Variants in NLRP1 observed in about 807,000 individuals in gnomAD.
The protein encoded by NLRP1 is NLR family pyrin domain containing 1, also known as NACHT, LRR and PYD domains-containing protein 1.
Under a neutral mutation model 136.7 loss-of-function variants are expected in NLRP1, and 94 were observed. The observed-to-expected ratio is 0.69, with a 90% CI of 0.58 to 0.82. The LOEUF is 0.82. NLRP1 is among the 40% of genes least tolerant of loss of function. NLRP1 has a pLI of 0.00. For missense variants in NLRP1, 1,575 were observed against 1,802.7 expected, an observed-to-expected ratio of 0.87 and a Z score of 2.29; for synonymous variants, 690 against 725.1, an observed-to-expected ratio of 0.95 and a Z score of 0.78.
At chr17:5,532,762 C>A in intron 11 of NLRP1, 60 bp downstream of exon 11, 1 of 1,465,620 alleles carries the variant, frequency 6.8e-7, no homozygotes, top group Non-Finnish European at 9.1e-7. Flanking sequence ...CTGTGGGGAC[C>A]CAGGATGGGC....
intron 3 of NLRP1, among the ~76,000 whole-genome samples, chr17:5,576,928 T>A (rs1193496437): frequency 6.6e-6 from 1 of 152,180 alleles, no homozygotes; most frequent in Admixed American, 6.5e-5. Flanking sequence ...CAAGTGGGCT[T>A]CATCCCTGGG....
intron 5 of NLRP1, among the ~76,000 whole-genome samples, chr17:5,545,712 T>A (rs1912584435): frequency 1.3e-5 from 2 of 152,196 alleles, no homozygotes; most frequent in Admixed American, 1.3e-4. Context: ...CAGACGCAGC[T>A]GGCAGATGTG....
chr17:5,521,950 G>A lies in NLRP1; in HGVS notation c.3521-164C>T, dbSNP rs188984901. The stretch of plus-strand genomic sequence containing the variant: ...AGCGATTCTCCTGCCTCAGCCTCCC[G>A]AGTAGCTGGGATTACAGGCGCCTGC... On this transcript the variant is annotated intron_variant, in intron 12 of 16. Coordinates refer to ENST00000572272, the MANE Select transcript of NLRP1 (RefSeq NM_033004.4). Among the ~76,000 whole-genome samples the A allele has an allele frequency of 1.9e-3, 282 of 152,244 alleles. 2 individuals are homozygous for A. Among genetic ancestry groups the A allele is most frequent in the Non-Finnish European group, 1.6e-3 (111 of 68,004 alleles).
In NLRP1 at chr17:5,514,937, G is replaced by A. The variant is rs200037697; in HGVS notation, c.4239C>T (p.Tyr1413=). Residue 1413 remains tyrosine, a synonymous_variant, in exon 17 of 17, where the codon TAC becomes TAT. Transcript: ENST00000572272. The part of the protein sequence containing the change: ...LHGQVLSQEQ[Y]ERVLAENTRP... Reference sequence around the variant, plus strand: ...TCGTGTTCTCAGCCAGCACCCTCTCGTACTGCTCCTGGCTCAGCACCTGTC... The same window carrying A: ...TCGTGTTCTCAGCCAGCACCCTCTCATACTGCTCCTGGCTCAGCACCTGTC... The A allele has an allele frequency of 1.9e-5, 30 of 1,614,152 alleles. No homozygotes were observed. The highest frequency in any genetic ancestry group is 3.3e-4 in the Middle Eastern group (2 of 6,062).
chr17:5,559,097 C>A lies in NLRP1; in HGVS notation c.1599G>T (p.Gln533His), dbSNP rs112191372. The A allele has an allele frequency of 5.6e-3, 9,081 of 1,614,194 alleles. 37 individuals are homozygous for A. The highest frequency in any genetic ancestry group is 6.9e-3 in the Middle Eastern group (42 of 6,062). Residue 533 changes from glutamine (Q) to histidine (H), a missense_variant, in exon 4 of 17, where the codon CAG becomes CAT. Transcript: ENST00000572272. ...SWLACTCLMQ[Q>H]MKRKEKLTLT... ...GTGTGAGTTTTTCCTTCCGCTTCAT[C>A]TGCTGCATCAGGCAAGTGCAGGCCA... is the stretch of plus-strand genomic sequence containing the variant.
chr17:5,507,433 G>A (rs1192960650), intron 15 of NLRP1, among the ~76,000 whole-genome samples: 1 of 152,184 alleles, frequency 6.6e-6, no homozygotes, highest in Admixed American at 6.5e-5. Flanking sequence ...GGTGGCTCAA[G>A]CCTGTAACTC....
chr17:5,538,552 G>A (rs188837979), intron 7 of NLRP1, among the ~76,000 whole-genome samples: 135 of 152,176 alleles, frequency 8.9e-4, no homozygotes, highest in Middle Eastern at 3.4e-3. Flanking sequence ...ATAATACCCT[G>A]TACTTTCCTT....
At chr17:5,527,421 C>G (rs547861891) in intron 12 of NLRP1, among the ~76,000 whole-genome samples, 9 of 152,178 alleles carry the variant, frequency 5.9e-5, no homozygotes, top group African/African-American at 2.2e-4. Context: ...CAAGGTGAGG[C>G]TCAGAATTTG....
At chr17:5,523,031 G>C (rs1909088722) in intron 12 of NLRP1, among the ~76,000 whole-genome samples, 1 of 152,178 alleles carries the variant, frequency 6.6e-6, no homozygotes, top group African/African-American at 2.4e-5. Flanking sequence ...GTGTGACCAA[G>C]ACTTGACTAA....
intron 5 of NLRP1, among the ~76,000 whole-genome samples, chr17:5,544,552 C>A (rs1361066034): frequency 6.6e-6 from 1 of 152,190 alleles, no homozygotes; most frequent in Non-Finnish European, 1.5e-5. Context: ...TGTGGAGAGG[C>A]CTCCGAGCAC....
At chr17:5,552,085 T>C (rs993010685) in intron 5 of NLRP1, among the ~76,000 whole-genome samples, 5 of 9,286 alleles carry the variant, frequency 5.4e-4, no homozygotes, top group Non-Finnish European at 7.0e-4. Flanking sequence ...CTATCTTTCC[T>C]TTTTTTTTTT....
At chr17:5,576,967 T>C (rs1273387062) in intron 3 of NLRP1, among the ~76,000 whole-genome samples, 4 of 151,992 alleles carry the variant, frequency 2.6e-5, no homozygotes, top group Non-Finnish European at 4.4e-5. Context: ...CATACGCAAA[T>C]CAATAAATGC....
intron 11 of NLRP1, among the ~76,000 whole-genome samples, chr17:5,531,308 C>T (rs1326649390): frequency 6.6e-6 from 1 of 152,228 alleles, no homozygotes; most frequent in East Asian, 1.9e-4. Flanking sequence ...CTCGAAATCC[C>T]TGGCTTAGGC....
intron 3 of NLRP1, among the ~76,000 whole-genome samples, chr17:5,563,163 C>T (rs1914954281): frequency 1.3e-5 from 2 of 152,144 alleles, no homozygotes; most frequent in South Asian, 4.1e-4. Context: ...AACATCAGCC[C>T]ACACACACGA....
At position 5,530,635 on chromosome 17, in the gene NLRP1, C is replaced by A; in HGVS notation, c.3366G>T (p.Ala1122=). The change falls in exon 12 of 17, where the codon GCG becomes GCT. Residue 1122 remains alanine, a synonymous_variant. Coordinates refer to ENST00000572272, the MANE Select transcript of NLRP1 (RefSeq NM_033004.4). ...NTGLCFVMRE[A]VTVEIEFCVW... ...CACAGAATTCAATCTCAACGGTCAC[C>A]GCTTCTCTCATCACAAAGCAGAGAC... 1 of 1,614,206 alleles carries A rather than the reference C, an allele frequency of 6.2e-7. No individual in the cohort carries two copies. Among genetic ancestry groups the A allele is most frequent in the Non-Finnish European group, 8.5e-7 (1 of 1,180,042 alleles).
chr17:5,583,077 TCC>T lies in NLRP1; in HGVS notation c.272-233_272-232del, dbSNP rs1905879846. On this transcript the variant is annotated intron_variant, in intron 1 of 16. Transcript: ENST00000572272. This position sits in a 1 kb window ranked among gnomAD's most constrained non-coding sequence, Gnocchi z 4.5. ...CAGGAAATTTGCATATCTGTCTTGG[TCC>T]TGACTATCTCCCTGTGTAAATCACT... Among the ~76,000 whole-genome samples, 1 of 151,868 alleles carries T rather than the reference TCC, an allele frequency of 6.6e-6. No homozygotes were observed. Among genetic ancestry groups the T allele is most frequent in the African/African-American group, 2.4e-5 (1 of 41,148 alleles).
chr17:5,502,493 T>C (rs117876623), intron 15 of NLRP1: 17,118 of 154,250 alleles, frequency 0.11, 1,312 homozygotes, highest in Non-Finnish European at 0.17. Context: ...TTTCACCACA[T>C]GGGCCAGGCT....
At chr17:5,577,135 G>C (rs1304661348) in intron 3 of NLRP1, among the ~76,000 whole-genome samples, 1 of 152,118 alleles carries the variant, frequency 6.6e-6, no homozygotes. Context: ...AGCTATTTAT[G>C]GCAAACCGAC....
At chr17:5,554,575 C>T (rs879790953) in intron 4 of NLRP1, among the ~76,000 whole-genome samples, 1 of 152,200 alleles carries the variant, frequency 6.6e-6, no homozygotes, top group Non-Finnish European at 1.5e-5. Context: ...GCTTCTCTAT[C>T]CCTCACTCCG....
Sources: allele counts gnomAD v4.1 joint callset (sites outside exome capture counted in the v4.1 genomes callset), GRCh38; gene constraint gnomAD v4.1.1; non-coding constraint Gnocchi (gnomAD v3.1); transcripts MANE v1.5; gene names NCBI Gene and HGNC (gene_info 2026-07-23, HGNC 2026-07-21).